The following ACSM3 variants were observed in gnomAD, a reference collection of about 807,000 sequenced individuals.
ACSM3 encodes acyl-CoA synthetase medium chain family member 3, also known as acyl-coenzyme A synthetase ACSM3, mitochondrial.
In ACSM3, 61 loss-of-function variants were observed where a neutral mutation model predicts 74.1. The ratio of observed to expected loss-of-function variants is 0.82; its 90% confidence interval spans 0.67 to 1.02. The LOEUF (loss-of-function observed/expected upper bound fraction) is 1.02. Among genes scored for constraint, ACSM3 ranks in the 50% least tolerant of loss-of-function variants. The pLI is 0.00. For synonymous variants in ACSM3, 213 were observed against 241.5 expected (o/e 0.88, Z 1.09); for missense variants, 660 against 697.0 (o/e 0.95, Z 0.60).
At position 20,737,075 on chromosome 16, in the gene ACSM3, C is replaced by T. The variant is rs554411777; in HGVS notation, c.-189-12835C>T. ...TTTGGTCTGATTTGTCCGCAGATTC[C>T]AGTTTAGCTTCTTTCCCATTTCCCT... On this transcript the variant is annotated intron_variant, in intron 1 of 3. Coordinates refer to the ACSM3 transcript ENST00000561584. 3 of 1,614,138 alleles carry T rather than the reference C, an allele frequency of 1.9e-6. No homozygotes were observed. In the African/African-American group the frequency reaches 4.0e-5, roughly 22 times the overall value.
intron 1 of ACSM3, among the ~76,000 whole-genome samples, chr16:20,709,356 CAATT>C (rs1174057501): frequency 1.3e-5 from 2 of 152,170 alleles, no homozygotes; most frequent in Admixed American, 6.5e-5. Flanking sequence ...ATAAAACACT[CAATT>C]AAATGTAAAA....
At chr16:20,769,953 C>T (rs2080170681) in intron 1 of ACSM3, 31 bp from the exon 2 acceptor site, 1 of 1,434,314 alleles carries the variant, frequency 7.0e-7, no homozygotes, top group African/African-American at 1.4e-5. Flanking sequence ...AGGACAGAAA[C>T]AAATATATGT....
At position 20,790,995 on chromosome 16, in the gene ACSM3, AT is replaced by A; in HGVS notation, c.1326+311del. 6.5e-7 allele frequency: 1 copy of A among 1,540,472 alleles called. No homozygotes were observed. Among genetic ancestry groups the A allele is most frequent in the Non-Finnish European group, 8.9e-7 (1 of 1,126,358 alleles). ...CTCAATTATCAAACAAAACCCACTCATTTTCCTGAAATCCAGTTAGTGCTCT... is the reference window on the plus strand; with the variant it reads ...CTCAATTATCAAACAAAACCCACTCATTTCCTGAAATCCAGTTAGTGCTCT... On this transcript the variant is annotated intron_variant, in intron 10 of 13. Transcript: ENST00000289416. This position sits in a 1 kb window ranked among gnomAD's most constrained non-coding sequence, Gnocchi z 4.0.
intron 1 of ACSM3, among the ~76,000 whole-genome samples, chr16:20,730,047 C>G (rs1295769127): frequency 1.3e-5 from 2 of 152,132 alleles, no homozygotes. Flanking sequence ...ACTGCATTTG[C>G]CTACCTTAGA....
chr16:20,791,900 C>T, intron 10 of ACSM3, 102 bp from the exon 11 acceptor site: 1 of 1,407,600 alleles, frequency 7.1e-7, no homozygotes. Context: ...TGCACTCCAG[C>T]CTGGGTAACA....
At chr16:20,796,601 A>T (rs2080729086) in intron 13 of ACSM3, 112 bp downstream of exon 13, 1 of 1,549,752 alleles carries the variant, frequency 6.5e-7, no homozygotes, top group African/African-American at 1.4e-5. Context: ...ACATGTCCCA[A>T]ACTGAACTGA....
In ACSM3 at chr16:20,744,243, A is replaced by T. The variant is rs1264570979; in HGVS notation, c.-189-5667A>T. On this transcript the variant is annotated intron_variant, in intron 1 of 3. Coordinates refer to the ACSM3 transcript ENST00000561584. ...AAAAGATTGGACATCCCTGGCCTAC[A>T]GGTTTCTCCATACATAGTGAACTAT... 2.0e-5 allele frequency among the ~76,000 whole-genome samples: 3 copies of T among 152,240 alleles called. No individual in the cohort carries two copies. In the East Asian group the frequency reaches 5.8e-4, roughly 29 times the overall value.
At chr16:20,708,072 G>A (rs1361695494) in intron 1 of ACSM3, among the ~76,000 whole-genome samples, 3 of 152,118 alleles carry the variant, frequency 2.0e-5, no homozygotes, top group East Asian at 1.9e-4. Flanking sequence ...AGGCCAAGGC[G>A]GGTGGATCAC....
rs532284670 is a variant in ACSM3, at chr16:20,696,235, T to C, written c.-190+21413T>C. Among the ~76,000 whole-genome samples the C allele has an allele frequency of 2.0e-5, 3 of 152,294 alleles. No homozygotes were observed. The East Asian group carries it at 5.8e-4, about 29-fold the overall frequency. On this transcript the variant is annotated intron_variant, in intron 1 of 3. Transcript: ENST00000561584. ...AATGCATTTCTCAGACGTATCTTGG[T>C]TGTTAAGTGATGCATGTCTCTATCT...
chr16:20,737,791 G>C (rs751544385), intron 1 of ACSM3: 3 of 1,613,820 alleles, frequency 1.9e-6, no homozygotes, highest in Non-Finnish European at 2.5e-6. Flanking sequence ...CCCTTTGTTT[G>C]GAGCTTTAAA....
rs2080611132 is a variant in ACSM3 at position 20,792,036 on chromosome 16, G to A, written c.1361G>A (p.Gly454Asp). ...NPSKTASTLR[G>D]NFYITGDRGY... is the part of the protein sequence containing the mutation. ...TCAAAAACAGCTTCAACTCTACGAGGCAATTTCTATATCACTGGGGACAGA... is the reference window on the plus strand; with the variant it reads ...TCAAAAACAGCTTCAACTCTACGAGACAATTTCTATATCACTGGGGACAGA... Residue 454 changes from glycine (G) to aspartate (D), a missense_variant, in exon 11 of 14, where the codon GGC (glycine) becomes GAC (aspartate). Gly to Asp is a moderately conservative substitution (Grantham distance 94, BLOSUM62 -1). Coordinates refer to ENST00000289416, the MANE Select transcript of ACSM3 (RefSeq NM_005622.4). The A allele has an allele frequency of 5.0e-6, 8 of 1,613,982 alleles. No homozygotes were observed. Among genetic ancestry groups the A allele is most frequent in the African/African-American group, 1.3e-5 (1 of 74,908 alleles).
At chr16:20,726,183 AG>A (rs2079805316) in intron 1 of ACSM3, among the ~76,000 whole-genome samples, 1 of 152,250 alleles carries the variant, frequency 6.6e-6, no homozygotes, top group Non-Finnish European at 1.5e-5. Context: ...CCCTCAAAAA[AG>A]AAAGAAAAGC....
At chr16:20,761,118 G>A (rs1005843181), upstream of ACSM3, among the ~76,000 whole-genome samples, 12 of 150,964 alleles carry the variant, frequency 7.9e-5, no homozygotes, top group African/African-American at 2.2e-4. Context: ...TTTTTGAGAC[G>A]GAGTCTCACT....
At chr16:20,707,260 G>C (rs2079730602) in intron 1 of ACSM3, among the ~76,000 whole-genome samples, 1 of 152,064 alleles carries the variant, frequency 6.6e-6, no homozygotes, top group Non-Finnish European at 1.5e-5. Context: ...TGCCTGCCCA[G>C]GGACCCACTG....
chr16:20,741,857 C>G (rs760417037), intron 1 of ACSM3: 2 of 1,535,802 alleles, frequency 1.3e-6, no homozygotes, highest in African/African-American at 1.4e-5. Flanking sequence ...TAGCCGGCCT[C>G]GAAGCCTCAT....
intron 1 of ACSM3, among the ~76,000 whole-genome samples, chr16:20,692,444 G>T (rs568721081): frequency 3.9e-5 from 6 of 152,318 alleles, no homozygotes; most frequent in Admixed American, 3.9e-4. Flanking sequence ...GAAGACCTGG[G>T]ATTAATGGCA....
At chr16:20,752,404 C>T (rs951626606) in intron 2 of ACSM3, among the ~76,000 whole-genome samples, 1 of 152,126 alleles carries the variant, frequency 6.6e-6, no homozygotes, top group South Asian at 2.1e-4. Context: ...CTGTTCCTTG[C>T]CATTGTTTTT....
chr16:20,745,229 A>G lies in ACSM3; in HGVS notation c.-189-4681A>G, dbSNP rs55749614. Among the ~76,000 whole-genome samples, 445 of 152,256 alleles carry G rather than the reference A, an allele frequency of 2.9e-3. 1 individual carries two copies. The highest frequency in any genetic ancestry group is 4.5e-3 in the Non-Finnish European group (305 of 68,026). ...TCCTTAGGTTACCTCCCAGACATGG[A>G]CAATGGCCCAGTGTCTATCCTTAGA... On this transcript the variant is annotated intron_variant, in intron 1 of 3. Coordinates refer to the ACSM3 transcript ENST00000561584.
intron 1 of ACSM3, among the ~76,000 whole-genome samples, chr16:20,677,949 C>G (rs1197599310): frequency 6.6e-6 from 1 of 151,264 alleles, no homozygotes; most frequent in African/African-American, 2.4e-5. Context: ...GCTGTATAGG[C>G]CTTAAAAGAT....
Sources: gnomAD v4.1 joint callset for allele counts (sites outside exome capture counted in the v4.1 genomes callset) on GRCh38, gnomAD v4.1.1 for gene constraint, Gnocchi (gnomAD v3.1) non-coding constraint, MANE v1.5 for transcripts, NCBI Gene and HGNC (gene_info 2026-07-23, HGNC 2026-07-21) for gene names.